The following CYP2C19 variants were observed in gnomAD, a reference collection of about 807,000 sequenced individuals.
The protein encoded by CYP2C19 is cytochrome P450 2C19.
Under a neutral mutation model 40.9 loss-of-function variants are expected in CYP2C19, and 59 were observed. The ratio of observed to expected loss-of-function variants is 1.44; its 90% CI spans 1.17 to 1.79. The LOEUF (loss-of-function observed/expected upper bound fraction) is 1.79, where lower values mean the gene tolerates loss of function less well. CYP2C19 is among the 40% of genes most tolerant of loss of function. The probability of loss-of-function intolerance (pLI) is 0.00; values close to 1 mark genes in which losing one functional copy is unlikely to be tolerated. For missense variants in CYP2C19, 754 were observed against 596.9 expected (o/e 1.26, Z -2.74); for synonymous variants, 253 against 208.7 (o/e 1.21, Z -1.83).
chr10:94,825,695 C>T (rs1849207175), intron 6 of CYP2C19, among the ~76,000 whole-genome samples: 1 of 114,498 alleles, frequency 8.7e-6, no homozygotes, highest in Admixed American at 9.4e-5. Context: ...TCTTTTGTTG[C>T]CATTGCTTTT....
chr10:94,849,546 A>G (rs1360341435), intron 7 of CYP2C19, among the ~76,000 whole-genome samples: 2 of 151,400 alleles, frequency 1.3e-5, no homozygotes, highest in Non-Finnish European at 2.9e-5. Context: ...TTTGTTACAT[A>G]TGTATACATG....
intron 5 of CYP2C19, among the ~76,000 whole-genome samples, chr10:94,800,817 C>T (rs1454160760): frequency 9.9e-5 from 15 of 152,214 alleles, no homozygotes; most frequent in Admixed American, 9.8e-4. Flanking sequence ...GCATGGGACC[C>T]ACTGAGCCAG....
chr10:94,767,283 G>A (rs1339817457), intron 1 of CYP2C19, among the ~76,000 whole-genome samples: 1 of 152,158 alleles, frequency 6.6e-6, no homozygotes, highest in African/African-American at 2.4e-5. Flanking sequence ...TTCAGGTGCT[G>A]TGAAGGTGAT....
intron 6 of CYP2C19, among the ~76,000 whole-genome samples, chr10:94,834,629 AGG>A (rs1375455178): frequency 4.6e-5 from 7 of 151,982 alleles, no homozygotes; most frequent in Admixed American, 4.6e-4. Context: ...GGGGACCCAA[AGG>A]GGGTTGCCAT....
At chr10:94,796,317 G>A (rs1446956674) in intron 5 of CYP2C19, among the ~76,000 whole-genome samples, 2 of 152,080 alleles carry the variant, frequency 1.3e-5, no homozygotes, top group East Asian at 1.9e-4. Context: ...TAGATGTGTG[G>A]TATTATTTCT....
At chr10:94,835,134 A>G (rs1849383142) in intron 6 of CYP2C19, among the ~76,000 whole-genome samples, 1 of 152,228 alleles carries the variant, frequency 6.6e-6, no homozygotes, top group African/African-American at 2.4e-5. Flanking sequence ...GTAGTTTTAC[A>G]GCTTCAATTC....
rs140714248 is a variant in CYP2C19, at chr10:94,853,708, G to T, written c.*794G>T. On this transcript the variant is annotated 3_prime_UTR_variant, in exon 9 of 9. Coordinates refer to ENST00000371321, the MANE Select transcript of CYP2C19 (RefSeq NM_000769.4). ...TTACAGACACGTGCCACCATGCCTG[G>T]CTAATTTTTTTGTATTTTTAGTACA... Among the ~76,000 whole-genome samples, 516 of 152,038 alleles carry T rather than the reference G, an allele frequency of 3.4e-3. 2 individuals carry two copies. The highest frequency in any genetic ancestry group is 0.012 in the African/African-American group (500 of 41,482).
chr10:94,783,983 G>A (rs1848508914), intron 5 of CYP2C19, among the ~76,000 whole-genome samples: 1 of 152,118 alleles, frequency 6.6e-6, no homozygotes, highest in Non-Finnish European at 1.5e-5. Context: ...TCACAATGTT[G>A]TGCAACCATC....
At chr10:94,763,589 G>T (rs915474712) in intron 1 of CYP2C19, among the ~76,000 whole-genome samples, 24 of 152,166 alleles carry the variant, frequency 1.6e-4, no homozygotes, top group Non-Finnish European at 3.2e-4. Flanking sequence ...GTAAAGGGCT[G>T]CGATTAGTAT....
Position 94,850,043 on chromosome 10 carries a change from A to C in CYP2C19, c.1276A>C (p.Met426Leu). Residue 426 changes from methionine to leucine, a missense_variant, in exon 8 of 9, where the codon ATG becomes CTG. Met to Leu is a conservative substitution (Grantham distance 15). Transcript: ENST00000371321. Reference protein sequence around the residue: ...GGNFKKSNYFMPFSAGKRICV... With the variant: ...GGNFKKSNYFLPFSAGKRICV... Reference sequence around the variant, plus strand: ...AAATTTTAAGAAAAGTAACTACTTCATGCCTTTCTCAGCAGGTAATATAAA... The same window carrying C: ...AAATTTTAAGAAAAGTAACTACTTCCTGCCTTTCTCAGCAGGTAATATAAA... 6.2e-7 allele frequency: 1 copy of C among 1,613,548 alleles called. No individual in the cohort carries two copies. The highest frequency in any genetic ancestry group is 8.5e-7 in the Non-Finnish European group (1 of 1,179,624).
chr10:94,800,026 C>T (rs1334008160), intron 5 of CYP2C19, among the ~76,000 whole-genome samples: 1 of 152,174 alleles, frequency 6.6e-6, no homozygotes, highest in Non-Finnish European at 1.5e-5. Context: ...AGTCATGCTC[C>T]ATCCAGCTTT....
chr10:94,816,631 G>T lies in CYP2C19; in HGVS notation c.820-3865G>T, dbSNP rs183778062. ...TTAGGGTACATGTGCACATTGTGCA[G>T]GTTAGTTACATATGTATACATGTGC... On this transcript the variant is annotated intron_variant, in intron 5 of 8. Coordinates refer to ENST00000371321, the MANE Select transcript of CYP2C19 (RefSeq NM_000769.4). 3.1e-3 allele frequency among the ~76,000 whole-genome samples: 470 copies of T among 150,798 alleles called. 3 individuals are homozygous for T. Among genetic ancestry groups the T allele is most frequent in the African/African-American group, 0.011 (447 of 41,076 alleles).
Position 94,842,026 on chromosome 10 carries a change from T to A in CYP2C19, c.962-811T>A, listed in dbSNP as rs559265934. ...AGACCCATTTGGTCTATAGTGCAGA[T>A]GAAGTTCAATATCTCCTTGTTGATT... On this transcript the variant is annotated intron_variant, in intron 6 of 8. Transcript: ENST00000371321. Among the ~76,000 whole-genome samples the A allele has an allele frequency of 4.6e-5, 7 of 152,336 alleles. No individual in the cohort carries two copies. In the South Asian group the frequency reaches 1.5e-3, roughly 32 times the overall value.
intron 1 of CYP2C19, among the ~76,000 whole-genome samples, chr10:94,770,341 T>C (rs1848310738): frequency 6.6e-6 from 1 of 152,142 alleles, no homozygotes; most frequent in Admixed American, 6.5e-5. Context: ...GGACAATCTT[T>C]TTTAAAAATG....
At chr10:94,790,774 T>A (rs1848595108) in intron 5 of CYP2C19, among the ~76,000 whole-genome samples, 1 of 152,130 alleles carries the variant, frequency 6.6e-6, no homozygotes, top group South Asian at 2.1e-4. Flanking sequence ...AGTTTGCCAG[T>A]ATTTTATTGA....
rs141554687 is a variant in CYP2C19 at position 94,848,793 on chromosome 10, G to A, written c.1150-1124G>A. ...AGTTCTCCTTAAAGAGATCCTTCACGTCCCTTGTAAGTTGGATTCCTAGGT... is the reference window on the plus strand; with the variant it reads ...AGTTCTCCTTAAAGAGATCCTTCACATCCCTTGTAAGTTGGATTCCTAGGT... On this transcript the variant is annotated intron_variant, in intron 7 of 8. Coordinates refer to ENST00000371321, the MANE Select transcript of CYP2C19 (RefSeq NM_000769.4). Among the ~76,000 whole-genome samples the A allele has an allele frequency of 5.2e-3, 784 of 152,110 alleles. 4 individuals carry two copies. Among genetic ancestry groups the A allele is most frequent in the African/African-American group, 0.013 (534 of 41,520 alleles).
rs191703935 is a variant in CYP2C19 at position 94,830,888 on chromosome 10, C to T, written c.961+10251C>T. 3.1e-3 allele frequency among the ~76,000 whole-genome samples: 474 copies of T among 152,108 alleles called. 3 individuals carry two copies. Among genetic ancestry groups the T allele is most frequent in the African/African-American group, 0.011 (450 of 41,482 alleles). Reference sequence around the variant, plus strand: ...AGAATGGGGTATCTGTGCCCTCAAGCATTTATTGAGTTACAAACAATTCAA... The same window carrying T: ...AGAATGGGGTATCTGTGCCCTCAAGTATTTATTGAGTTACAAACAATTCAA... On this transcript the variant is annotated intron_variant, in intron 6 of 8. Transcript: ENST00000371321.
intron 6 of CYP2C19, among the ~76,000 whole-genome samples, chr10:94,829,060 A>T (rs1203654743): frequency 2.0e-5 from 3 of 152,070 alleles, no homozygotes; most frequent in African/African-American, 7.2e-5. Context: ...CTTCCCTTTG[A>T]GGGTAACCCG....
At chr10:94,842,134 G>T (rs999122644) in intron 6 of CYP2C19, among the ~76,000 whole-genome samples, 3 of 152,054 alleles carry the variant, frequency 2.0e-5, no homozygotes, top group Admixed American at 1.3e-4. Flanking sequence ...TCTCTCTCTA[G>T]TTCTAATTAT....
Sources: allele counts gnomAD v4.1 joint callset (sites outside exome capture counted in the v4.1 genomes callset), GRCh38; gene constraint gnomAD v4.1.1; transcripts MANE v1.5; gene names NCBI Gene and HGNC (gene_info 2026-07-23, HGNC 2026-07-21).